The following VPS13D variants were observed in gnomAD, a reference collection of about 807,000 sequenced individuals.
VPS13D encodes the protein intermembrane lipid transfer protein VPS13D.
VPS13D carries 187 observed loss-of-function variants against 461.9 expected under a neutral mutation model. The ratio of observed to expected loss-of-function variants is 0.40; its 90% confidence interval spans 0.36 to 0.46. The LOEUF (loss-of-function observed/expected upper bound fraction) is 0.46, where lower values mean the gene tolerates loss of function less well. VPS13D is among the 20% of genes least tolerant of loss of function. VPS13D has a pLI of 0.60. For missense variants in VPS13D, 4,711 were observed against 5,364.9 expected (o/e 0.88, Z 3.81); for synonymous variants, 1,951 against 1,986.3 (o/e 0.98, Z 0.47).
chr1:12,274,460 A>T (rs1473694179), intron 18 of VPS13D, among the ~76,000 whole-genome samples: 1 of 151,868 alleles, frequency 6.6e-6, no homozygotes, highest in Non-Finnish European at 1.5e-5. Flanking sequence ...TACAGGTGTG[A>T]GCCACCACGC....
chr1:12,363,076 C>T lies in VPS13D; in HGVS notation c.10277C>T (p.Thr3426Ile). Residue 3426 changes from threonine to isoleucine, a missense_variant, in exon 52 of 70, where the codon ACA becomes ATA. Coordinates refer to ENST00000620676, the MANE Select transcript of VPS13D (RefSeq NM_015378.4). ...CTGTGATCCTATGTGTTTTAGGGAA[C>T]AGCCAATCCCGAAGGTTACATTTCC... Reference protein sequence around the residue: ...AQREFARGQGTANPEGYISTL... With the variant: ...AQREFARGQGIANPEGYISTL... 3 of 1,613,936 alleles carry T rather than the reference C, an allele frequency of 1.9e-6. No individual in the cohort carries two copies. The highest frequency in any genetic ancestry group is 1.1e-5 in the South Asian group (1 of 91,038).
chr1:12,382,420 G>A (rs1378565244), intron 57 of VPS13D, among the ~76,000 whole-genome samples: 1 of 152,070 alleles, frequency 6.6e-6, no homozygotes, highest in African/African-American at 2.4e-5. Flanking sequence ...TCTTTTAACA[G>A]CCTGAATAAC....
chr1:12,267,755 A>T, intron 14 of VPS13D, 90 bp from the exon 15 acceptor site: 2 of 1,087,682 alleles, frequency 1.8e-6, no homozygotes, highest in Non-Finnish European at 2.8e-6. Context: ...GTGCTAAGGG[A>T]GTGTGTTGCT....
chr1:12,391,492 T>C (rs1644425763), intron 60 of VPS13D, among the ~76,000 whole-genome samples: 1 of 137,828 alleles, frequency 7.3e-6, no homozygotes, highest in Non-Finnish European at 1.5e-5. Context: ...CCCAATCACA[T>C]ATATACCACT....
At chr1:12,319,447 G>A (rs1642974851) in intron 31 of VPS13D, 50 bp from the exon 32 acceptor site, 1 of 1,608,548 alleles carries the variant, frequency 6.2e-7, no homozygotes, top group African/African-American at 1.3e-5. Flanking sequence ...ACAGCCTGGT[G>A]TTTTCCAGCT....
In VPS13D at chr1:12,270,827, G is replaced by A. The variant is rs189776037; in HGVS notation, c.1973-167G>A. ...GTCTCCTGGGCTCAGGCATCCTCCT[G>A]CCTTGGCCTCCCAAAGTGCTGGGAT... On this transcript the variant is annotated intron_variant, in intron 16 of 69. Coordinates refer to ENST00000620676, the MANE Select transcript of VPS13D (RefSeq NM_015378.4). 4.6e-5 allele frequency among the ~76,000 whole-genome samples: 7 copies of A among 152,068 alleles called. No individual in the cohort carries two copies. In the East Asian group the frequency reaches 1.4e-3, roughly 30 times the overall value.
intron 55 of VPS13D, among the ~76,000 whole-genome samples, chr1:12,375,516 T>C (rs971266695): frequency 1.3e-5 from 2 of 152,248 alleles, no homozygotes; most frequent in Non-Finnish European, 2.9e-5. Context: ...GTACTTCCCT[T>C]GTCCAGCACT....
intron 58 of VPS13D, 108 bp from the exon 59 acceptor site, chr1:12,385,152 G>A (rs1644334289): frequency 1.2e-6 from 1 of 832,408 alleles, no homozygotes; most frequent in Non-Finnish European, 1.9e-6. Flanking sequence ...GCTTCCATAG[G>A]ATTATTGATT....
At chr1:12,449,890 C>T (rs767199497) in intron 65 of VPS13D, among the ~76,000 whole-genome samples, 8 of 152,116 alleles carry the variant, frequency 5.3e-5, no homozygotes, top group Non-Finnish European at 7.3e-5. Flanking sequence ...CTCGTGGGGC[C>T]GAGGTAGGCA....
At chr1:12,449,250 C>T (rs901518611) in intron 65 of VPS13D, among the ~76,000 whole-genome samples, 1 of 152,156 alleles carries the variant, frequency 6.6e-6, no homozygotes, top group Non-Finnish European at 1.5e-5. Flanking sequence ...GGATTCCTCC[C>T]CTTTTTTTCT....
At chr1:12,269,747 C>T (rs1185692667) in intron 16 of VPS13D, among the ~76,000 whole-genome samples, 1 of 152,198 alleles carries the variant, frequency 6.6e-6, no homozygotes, top group Non-Finnish European at 1.5e-5. Flanking sequence ...AATGTCCCTT[C>T]CCCCTTTATT....
chr1:12,403,988 G>A lies in VPS13D; in HGVS notation c.12030+15G>A. ...TGGATCTTAAGGTGAGCTGCTATTT[G>A]GGTAAATTTTTTTAGATGATTTTTC... On this transcript the variant is annotated intron_variant, in intron 63 of 69. Coordinates refer to ENST00000620676, the MANE Select transcript of VPS13D (RefSeq NM_015378.4). 6.4e-7 allele frequency: 1 copy of A among 1,564,264 alleles called. No individual in the cohort carries two copies. Among genetic ancestry groups the A allele is most frequent in the South Asian group, 1.2e-5 (1 of 82,766 alleles).
Position 12,256,450 on chromosome 1 carries a change from C to A in VPS13D, c.787C>A (p.Pro263Thr). The A allele has an allele frequency of 6.2e-7, 1 of 1,614,130 alleles. No homozygotes were observed. The highest frequency in any genetic ancestry group is 8.5e-7 in the Non-Finnish European group (1 of 1,180,018). The change falls in exon 8 of 70, where the codon CCC (proline) becomes ACC (threonine). Residue 263 changes from proline (P) to threonine (T), a missense_variant. Pro to Thr is a conservative substitution (Grantham distance 38). Transcript: ENST00000620676. Reference protein sequence around the residue: ...SKKPLRSRHSPRIDCDIQLET... With the variant: ...SKKPLRSRHSTRIDCDIQLET... Reference sequence around the variant, plus strand: ...GAAGCCCCTGCGGTCTCGGCACAGTCCCCGTATTGATTGTGATATTCAGCT... The same window carrying A: ...GAAGCCCCTGCGGTCTCGGCACAGTACCCGTATTGATTGTGATATTCAGCT...
At chr1:12,480,572 T>C (rs1010107013) in intron 67 of VPS13D, among the ~76,000 whole-genome samples, 4 of 152,246 alleles carry the variant, frequency 2.6e-5, no homozygotes, top group Admixed American at 1.3e-4. Context: ...TTGCTAATCC[T>C]GAAGTTCAGC....
intron 25 of VPS13D, 102 bp from the exon 26 acceptor site, chr1:12,304,404 G>A: frequency 9.4e-7 from 1 of 1,068,564 alleles, no homozygotes; most frequent in South Asian, 1.5e-5. Context: ...GAAGACCCTA[G>A]GGACTGGGAT....
At chr1:12,326,989 T>C (rs1214707944) in intron 35 of VPS13D, among the ~76,000 whole-genome samples, 2 of 152,232 alleles carry the variant, frequency 1.3e-5, no homozygotes, top group South Asian at 2.1e-4. Context: ...CCATCAGTAA[T>C]TAATATGATA....
intron 23 of VPS13D, among the ~76,000 whole-genome samples, chr1:12,291,901 T>C (rs1642141625): frequency 6.6e-6 from 1 of 152,234 alleles, no homozygotes; most frequent in Admixed American, 6.5e-5. Context: ...ACATGATCTA[T>C]ATTGAATTGT....
chr1:12,460,883 T>C (rs1262670996), intron 67 of VPS13D, among the ~76,000 whole-genome samples: 1 of 152,084 alleles, frequency 6.6e-6, no homozygotes, highest in Non-Finnish European at 1.5e-5. Context: ...TGTTCCTTCT[T>C]AATTTTCCTT....
At chr1:12,392,646 GC>G (rs1430394420) in intron 60 of VPS13D, among the ~76,000 whole-genome samples, 5 of 151,792 alleles carry the variant, frequency 3.3e-5, no homozygotes. Context: ...TTCCACCAAA[GC>G]CCAGTAACAG....
Sources: gnomAD v4.1 joint callset for allele counts (sites outside exome capture counted in the v4.1 genomes callset) on GRCh38, gnomAD v4.1.1 for gene constraint, MANE v1.5 for transcripts, NCBI Gene and HGNC (gene_info 2026-07-23, HGNC 2026-07-21) for gene names.